Variants in SELENOO observed in about 807,000 individuals in gnomAD.
SELENOO encodes the protein protein adenylyltransferase SelO, mitochondrial.
Under a neutral mutation model 58.7 loss-of-function variants are expected in SELENOO, and 74 were observed. The ratio of observed to expected loss-of-function variants is 1.26; its 90% CI spans 1.04 to 1.53. The LOEUF (loss-of-function observed/expected upper bound fraction) is 1.53, where lower values mean the gene tolerates loss of function less well. Among genes scored for constraint, SELENOO ranks in the 40% most tolerant of loss-of-function variants. The probability of loss-of-function intolerance (pLI) is 0.00; values close to 1 mark genes in which losing one functional copy is unlikely to be tolerated. For synonymous variants in SELENOO, 543 were observed against 453.2 expected, an observed-to-expected ratio of 1.20 and a Z score of -2.52; for missense variants, 1,149 against 970.0, an observed-to-expected ratio of 1.18 and a Z score of -2.45.
Position 50,210,704 on chromosome 22 carries a change from T to C in SELENOO, c.1144T>C (p.Cys382Arg), listed in dbSNP as rs755033914. The change falls in exon 5 of 9, where the codon TGC (cysteine) becomes CGC (arginine). Residue 382 changes from cysteine to arginine, a missense_variant. Transcript: ENST00000380903. ...RYAYSKQPEV[C>R]RWNLRKLAEA... ...CGCGTACAGCAAGCAGCCCGAGGTG[T>C]GCAGGTGGAACCTGCGGAAGCTGGC... 4 of 1,613,372 alleles carry C rather than the reference T, an allele frequency of 2.5e-6. No homozygotes were observed. In the South Asian group the frequency reaches 3.3e-5, roughly 13 times the overall value.
chr22:50,208,119 T>C (rs2064344010), intron 2 of SELENOO, among the ~76,000 whole-genome samples: 1 of 152,080 alleles, frequency 6.6e-6, no homozygotes, highest in South Asian at 2.1e-4. Flanking sequence ...CTCTTTCTGC[T>C]GTAGGGCTGC....
Position 50,217,526 on chromosome 22 carries a change from T to C in SELENOO, c.*157T>C. On this transcript the variant is annotated 3_prime_UTR_variant, in exon 9 of 9. Transcript: ENST00000380903. ...ATGGCAGAGACATCCAGTCAGGACC[T>C]GACCCGTCTCTGTCTGAGGCCGGCT... 9.3e-7 allele frequency: 1 copy of C among 1,077,060 alleles called. No individual in the cohort carries two copies. Among genetic ancestry groups the C allele is most frequent in the Non-Finnish European group, 1.3e-6 (1 of 755,272 alleles). 66.7% of individuals were successfully genotyped at this position (1,077,060 alleles called of 1,614,324 possible).
chr22:50,210,077 C>T (rs1400606679), intron 3 of SELENOO, 104 bp from the exon 4 acceptor site: 1 of 1,374,706 alleles, frequency 7.3e-7, no homozygotes, highest in Non-Finnish European at 1.0e-6. Context: ...GAGTGAGAGC[C>T]ACTCAGCGAA....
intron 5 of SELENOO, among the ~76,000 whole-genome samples, chr22:50,214,331 C>A (rs1007136518): frequency 6.6e-6 from 1 of 152,130 alleles, no homozygotes; most frequent in Non-Finnish European, 1.5e-5. Flanking sequence ...TATTTAAAAT[C>A]TTCTCTGGCC....
rs371301005 is a variant in SELENOO, at chr22:50,217,209, G to A, written c.1850G>A (p.Arg617Gln). Residue 617 changes from arginine to glutamine, a missense_variant, in exon 9 of 9, where the codon CGG (arginine) becomes CAG (glutamine). Physicochemically the swap from Arg to Gln is conservative, Grantham distance 43. Transcript: ENST00000380903. Reference protein sequence around the residue: ...AAERGDFSEVRRVLKLLETPY... With the variant: ...AAERGDFSEVQRVLKLLETPY... ...CTCACCCTCCTGATCCTCCAGGTGC[G>A]GCGGGTGCTGAAACTACTGGAGACC... is the stretch of plus-strand genomic sequence containing the variant. 142 of 1,610,810 alleles carry A rather than the reference G, an allele frequency of 8.8e-5. No individual in the cohort carries two copies. The highest frequency in any genetic ancestry group is 8.7e-4 in the East Asian group (39 of 44,860).
intron 3 of SELENOO, 29 bp from the exon 4 acceptor site, chr22:50,210,152 G>A (rs1473612819): frequency 6.2e-7 from 1 of 1,606,408 alleles, no homozygotes; most frequent in East Asian, 2.2e-5. Flanking sequence ...GGACCCCGAG[G>A]AGGGAGCAAG....
intron 5 of SELENOO, among the ~76,000 whole-genome samples, chr22:50,211,175 AT>A (rs1384750547): frequency 6.6e-6 from 1 of 152,124 alleles, no homozygotes; most frequent in Non-Finnish European, 1.5e-5. Context: ...CCGTATCAGG[AT>A]TTTATTCCAT....
chr22:50,215,983 C>T (rs917791730), intron 6 of SELENOO, 116 bp downstream of exon 6: 31 of 876,074 alleles, frequency 3.5e-5, no homozygotes, highest in East Asian at 1.3e-4. Flanking sequence ...GTGGCTGCTC[C>T]GCTCCCAGGG....
Position 50,210,291 on chromosome 22 carries a change from G to A in SELENOO, c.1050G>A (p.Gly350=). The part of the protein sequence containing the change: ...MSILGLTIDY[G]PFGFLDRYDP... ...TCCTGGGGCTCACCATCGACTACGG[G>A]CCCTTTGGCTTCCTGGACAGGTAAG... The change falls in exon 4 of 9, where the codon GGG becomes GGA. Residue 350 remains glycine, a synonymous_variant. Coordinates refer to ENST00000380903, the MANE Select transcript of SELENOO (RefSeq NM_031454.2). 6.2e-7 allele frequency: 1 copy of A among 1,613,206 alleles called. No homozygotes were observed. The highest frequency in any genetic ancestry group is 8.5e-7 in the Non-Finnish European group (1 of 1,179,882).
intron 2 of SELENOO, 153 bp from the exon 3 acceptor site, chr22:50,208,383 T>A: frequency 1.6e-6 from 1 of 621,686 alleles, no homozygotes; most frequent in East Asian, 3.0e-5. Context: ...TGAGGCGAGA[T>A]CGCGCCACTG....
At chr22:50,204,255 C>T (rs2064318646) in intron 1 of SELENOO, among the ~76,000 whole-genome samples, 3 of 151,844 alleles carry the variant, frequency 2.0e-5, no homozygotes, top group African/African-American at 4.8e-5. Context: ...TGCTTGAACC[C>T]GGGAGGTGGA....
intron 1 of SELENOO, among the ~76,000 whole-genome samples, chr22:50,202,810 A>G (rs1602486802): frequency 6.6e-6 from 1 of 152,334 alleles, no homozygotes; most frequent in East Asian, 1.9e-4. Flanking sequence ...CCTGCCTGAC[A>G]TCCCCACACG....
intron 1 of SELENOO, 52 bp from the exon 2 acceptor site, chr22:50,206,265 G>A (rs2064331990): frequency 7.2e-6 from 11 of 1,519,446 alleles, no homozygotes; most frequent in Non-Finnish European, 1.0e-5. Context: ...GAATCCTGGT[G>A]TTGGGTGACC....
chr22:50,208,861 C>T, intron 3 of SELENOO, 145 bp downstream of exon 3: 2 of 760,348 alleles, frequency 2.6e-6, no homozygotes, highest in Admixed American at 2.8e-5. Flanking sequence ...TGTCCGCAAA[C>T]CCCATCATGT....
In SELENOO at chr22:50,210,691, G is replaced by T. The variant is rs201628467; in HGVS notation, c.1131G>T (p.Lys377Asn). The T allele has an allele frequency of 6.2e-7, 1 of 1,613,346 alleles. No individual in the cohort carries two copies. The highest frequency in any genetic ancestry group is 2.2e-5 in the East Asian group (1 of 44,890). Reference sequence around the variant, plus strand: ...ACACCGGCCGCTACGCGTACAGCAAGCAGCCCGAGGTGTGCAGGTGGAACC... The same window carrying T: ...ACACCGGCCGCTACGCGTACAGCAATCAGCCCGAGGTGTGCAGGTGGAACC... ...SDNTGRYAYSKQPEVCRWNLR... is the reference protein window; with the variant it reads ...SDNTGRYAYSNQPEVCRWNLR... Residue 377 changes from lysine (K) to asparagine (N), a missense_variant, in exon 5 of 9, where the codon AAG becomes AAT. Lys to Asn is a moderately conservative substitution (Grantham distance 94). Coordinates refer to ENST00000380903, the MANE Select transcript of SELENOO (RefSeq NM_031454.2).
At chr22:50,202,179 T>C (rs189051159) in intron 1 of SELENOO, among the ~76,000 whole-genome samples, 17 of 152,366 alleles carry the variant, frequency 1.1e-4, no homozygotes, top group African/African-American at 4.1e-4. Context: ...AACAATGTAC[T>C]TACTCCATAT....
At chr22:50,207,509 T>C (rs1370045014) in intron 2 of SELENOO, among the ~76,000 whole-genome samples, 2 of 151,870 alleles carry the variant, frequency 1.3e-5, no homozygotes, top group Admixed American at 6.6e-5. Flanking sequence ...CTGTTGGTCT[T>C]GCAGCCCCGT....
intron 5 of SELENOO, among the ~76,000 whole-genome samples, chr22:50,215,065 T>C (rs1037402281): frequency 6.6e-6 from 1 of 152,216 alleles, no homozygotes; most frequent in African/African-American, 2.4e-5. Context: ...TTGCAGTACG[T>C]TGCTTTGACT....
intron 1 of SELENOO, 30 bp from the exon 2 acceptor site, chr22:50,206,287 C>T (rs1338662546): frequency 6.2e-7 from 1 of 1,602,856 alleles, no homozygotes; most frequent in Non-Finnish European, 8.5e-7. Context: ...CCTGACCGGC[C>T]CACGTAGTGA....
Sources: allele counts gnomAD v4.1 joint callset (sites outside exome capture counted in the v4.1 genomes callset), GRCh38; gene constraint gnomAD v4.1.1; transcripts MANE v1.5; gene names NCBI Gene and HGNC (gene_info 2026-07-23, HGNC 2026-07-21).